Variants in LRRC49 observed in about 807,000 individuals in gnomAD.
LRRC49 encodes the protein leucine-rich repeat-containing protein 49.
Under a neutral mutation model 83.3 loss-of-function variants are expected in LRRC49, and 50 were observed. The ratio of observed to expected loss-of-function variants is 0.60; its 90% confidence interval spans 0.48 to 0.76. The LOEUF (loss-of-function observed/expected upper bound fraction) is 0.76. Ranked by LOEUF, LRRC49 falls within the 30% of genes least tolerant of loss-of-function variation. LRRC49 has a pLI of 0.00. For missense variants in LRRC49, 704 were observed against 809.1 expected, an observed-to-expected ratio of 0.87 and a Z score of 1.58; for synonymous variants, 286 against 283.3, an observed-to-expected ratio of 1.01 and a Z score of -0.10.
chr15:70,992,027 C>T (rs1009297516), intron 11 of LRRC49, among the ~76,000 whole-genome samples: 9 of 152,296 alleles, frequency 5.9e-5, no homozygotes, highest in African/African-American at 2.2e-4. Flanking sequence ...TAGACCTTGT[C>T]AGCTCTTTCA....
chr15:70,881,274 T>G (rs923406124), intron 2 of LRRC49: 2 of 152,130 alleles, frequency 1.3e-5, no homozygotes, highest in African/African-American at 4.8e-5. Context: ...CAAGTCAAAA[T>G]AGCAGTAACA....
chr15:70,956,271 G>A (rs539182611), intron 8 of LRRC49, among the ~76,000 whole-genome samples: 97 of 151,842 alleles, frequency 6.4e-4, no homozygotes, highest in African/African-American at 2.0e-3. Context: ...TTTTCCTTTC[G>A]GGATATGAAT....
intron 1 of LRRC49, among the ~76,000 whole-genome samples, chr15:70,869,690 A>G (rs909938088): frequency 6.6e-6 from 1 of 152,188 alleles, no homozygotes; most frequent in Non-Finnish European, 1.5e-5. Flanking sequence ...CACAGGCACA[A>G]ATCCTTCTTA....
chr15:70,932,407 A>G (rs1239887405), intron 7 of LRRC49, among the ~76,000 whole-genome samples: 1 of 152,046 alleles, frequency 6.6e-6, no homozygotes, highest in Non-Finnish European at 1.5e-5. Context: ...TTTGTTTCCA[A>G]GCTTGTTTGA....
chr15:70,878,396 C>T (rs1469786525), intron 2 of LRRC49, among the ~76,000 whole-genome samples: 2 of 152,172 alleles, frequency 1.3e-5, no homozygotes, highest in African/African-American at 2.4e-5. Flanking sequence ...TCCTTTTAAA[C>T]ATCTGTGCAT....
At chr15:70,875,855 T>A (rs1179913717) in intron 2 of LRRC49, among the ~76,000 whole-genome samples, 3 of 152,228 alleles carry the variant, frequency 2.0e-5, no homozygotes. Flanking sequence ...CATGTCCCAA[T>A]AATTTTTTCT....
At chr15:70,967,303 G>T (rs2141203736) in intron 9 of LRRC49, among the ~76,000 whole-genome samples, 1 of 152,156 alleles carries the variant, frequency 6.6e-6, no homozygotes, top group East Asian at 1.9e-4. Flanking sequence ...CATAATAGGA[G>T]AAACCCTTGA....
chr15:70,873,948 A>G (rs1030656281), intron 2 of LRRC49, among the ~76,000 whole-genome samples: 7 of 152,202 alleles, frequency 4.6e-5, no homozygotes, highest in African/African-American at 1.4e-4. Context: ...GAATAAACCA[A>G]TAGGTACATG....
chr15:70,867,061 G>A (rs11072231), intron 1 of LRRC49, among the ~76,000 whole-genome samples: 81,626 of 149,842 alleles, frequency 0.54, 22,915 homozygotes, highest in Admixed American at 0.69. Flanking sequence ...GAATCCTGAT[G>A]GCCAAGTTGC....
intron 3 of LRRC49, chr15:70,900,506 T>G (rs1477297952): frequency 2.2e-6 from 1 of 456,860 alleles, no homozygotes; most frequent in Non-Finnish European, 4.4e-6. Flanking sequence ...TATCAGCATT[T>G]GGAGATTCTT....
chr15:71,020,394 G>A (rs1426898293), intron 14 of LRRC49, among the ~76,000 whole-genome samples: 1 of 152,164 alleles, frequency 6.6e-6, no homozygotes, highest in Non-Finnish European at 1.5e-5. Flanking sequence ...GGAGAGCATA[G>A]GGTAGAGTCA....
chr15:71,000,868 A>G (rs1474932075), intron 11 of LRRC49, among the ~76,000 whole-genome samples: 1 of 151,004 alleles, frequency 6.6e-6, no homozygotes, highest in African/African-American at 2.4e-5. Flanking sequence ...TGTCTTTCTC[A>G]TATCTTCAAG....
intron 14 of LRRC49, 114 bp from the exon 15 acceptor site, chr15:71,037,065 A>G: frequency 1.4e-6 from 1 of 702,166 alleles, no homozygotes; most frequent in South Asian, 2.1e-5. Flanking sequence ...ACTCAAACTC[A>G]TTAAAATATA....
chr15:70,861,062 G>T (rs1159526830), intron 1 of LRRC49, among the ~76,000 whole-genome samples: 1 of 152,092 alleles, frequency 6.6e-6, no homozygotes. Context: ...CTGTAATGTG[G>T]ATCATTATTT....
intron 8 of LRRC49, among the ~76,000 whole-genome samples, chr15:70,941,128 T>C (rs1198613591): frequency 6.6e-6 from 1 of 152,186 alleles, no homozygotes; most frequent in African/African-American, 2.4e-5. Flanking sequence ...CTCCAGCTTT[T>C]GAATTCTTTT....
intron 5 of LRRC49, 75 bp downstream of exon 5, chr15:70,904,830 A>T: frequency 9.1e-7 from 1 of 1,100,736 alleles, no homozygotes; most frequent in Non-Finnish European, 1.3e-6. Context: ...CTTAGAATTG[A>T]ATAATACTTA....
intron 14 of LRRC49, among the ~76,000 whole-genome samples, chr15:71,027,618 T>C (rs2039216444): frequency 6.6e-6 from 1 of 151,654 alleles, no homozygotes; most frequent in East Asian, 1.9e-4. Context: ...TCTTATTTCC[T>C]ATTTGATTAT....
intron 11 of LRRC49, among the ~76,000 whole-genome samples, chr15:71,005,865 G>T (rs1291313898): frequency 6.6e-6 from 1 of 152,140 alleles, no homozygotes; most frequent in African/African-American, 2.4e-5. Flanking sequence ...AAAACTAGAA[G>T]AACAATCCCC....
At chr15:70,950,186 A>G (rs576056170) in intron 8 of LRRC49, among the ~76,000 whole-genome samples, 23 of 152,296 alleles carry the variant, frequency 1.5e-4, no homozygotes, top group Admixed American at 1.4e-3. Context: ...TATATGTACC[A>G]CATTTTCTTT....
Sources: allele counts gnomAD v4.1 joint callset (sites outside exome capture counted in the v4.1 genomes callset), GRCh38; gene constraint gnomAD v4.1.1; transcripts MANE v1.5; gene names NCBI Gene and HGNC (gene_info 2026-07-23, HGNC 2026-07-21).